DNTT: variants seen among roughly 807,000 people sequenced by gnomAD.
The protein encoded by DNTT is DNA nucleotidylexotransferase.
In DNTT, 47 loss-of-function variants were observed where a neutral mutation model predicts 60.9. The ratio of observed to expected loss-of-function variants is 0.77; its 90% CI spans 0.61 to 0.98. DNTT has a LOEUF of 0.98. Ranked by LOEUF, DNTT falls within the 50% of genes least tolerant of loss-of-function variation. The pLI is 0.00. For missense variants in DNTT, 665 were observed against 627.5 expected (o/e 1.06, Z -0.64); for synonymous variants, 224 against 221.2 (o/e 1.01, Z -0.11).
rs866987732 is a variant in DNTT, at chr10:96,332,407, T to C, written c.1170T>C (p.Pro390=). ...CAACATTTGAAAAGCTCAGGTTGCCTAGCAGGAAGGTTGATGCTTTGGATC... is the reference window on the plus strand; with the variant it reads ...CAACATTTGAAAAGCTCAGGTTGCCCAGCAGGAAGGTTGATGCTTTGGATC... The part of the protein sequence containing the change: ...VESTFEKLRL[P]SRKVDALDHF... Residue 390 remains proline (P), a synonymous_variant, in exon 9 of 11, where the codon CCT becomes CCC. Transcript: ENST00000371174. 1 of 1,614,200 alleles carries C rather than the reference T, an allele frequency of 6.2e-7. No homozygotes were observed. The highest frequency in any genetic ancestry group is 1.6e-4 in the Middle Eastern group (1 of 6,062).
chr10:96,331,386 G>A (rs533948584), intron 8 of DNTT, among the ~76,000 whole-genome samples: 23 of 152,208 alleles, frequency 1.5e-4, no homozygotes, highest in Admixed American at 1.4e-3. Flanking sequence ...CCATGGTTCT[G>A]CAGGATGTAT....
At chr10:96,307,343 G>GTTGTTTTTTTTTTTTTTTTTTTTT (rs1844650391) in intron 1 of DNTT, among the ~76,000 whole-genome samples, 2 of 67,606 alleles carry the variant, frequency 3.0e-5, no homozygotes, top group African/African-American at 1.3e-4. Context: ...GGGTTTTCCA[G>GTTGTTTTTTTTTTTTTTTTTTTTT]TTTTTTTTTT....
At chr10:96,335,382 C>T (rs1450297582) in intron 9 of DNTT, among the ~76,000 whole-genome samples, 2 of 152,188 alleles carry the variant, frequency 1.3e-5, no homozygotes, top group East Asian at 3.8e-4. Flanking sequence ...TGTCCTTCCT[C>T]CATCCTTTCA....
chr10:96,334,408 C>G lies in DNTT; in HGVS notation c.1360-1483C>G, dbSNP rs183852636. 3.9e-5 allele frequency among the ~76,000 whole-genome samples: 6 copies of G among 152,328 alleles called. No individual in the cohort carries two copies. The East Asian group carries it at 1.2e-3, about 29-fold the overall frequency. Reference sequence around the variant, plus strand: ...ATATCCTGTCACTCACAGGAGAGGACACCTGTGATTTGAGTCCCATTCGCA... The same window carrying G: ...ATATCCTGTCACTCACAGGAGAGGAGACCTGTGATTTGAGTCCCATTCGCA... On this transcript the variant is annotated intron_variant, in intron 9 of 10. Transcript: ENST00000371174.
intron 5 of DNTT, among the ~76,000 whole-genome samples, chr10:96,323,192 G>A (rs1844901114): frequency 6.6e-6 from 1 of 152,156 alleles, no homozygotes; most frequent in Admixed American, 6.5e-5. Flanking sequence ...CCAGCTACTT[G>A]GGAGATTGAG....
chr10:96,321,192 G>A (rs1490010191), intron 4 of DNTT, among the ~76,000 whole-genome samples: 1 of 152,126 alleles, frequency 6.6e-6, no homozygotes, highest in African/African-American at 2.4e-5. Flanking sequence ...AAGTTTCAGA[G>A]CAGGAGTGGA....
intron 9 of DNTT, among the ~76,000 whole-genome samples, chr10:96,333,134 A>C (rs1202560760): frequency 1.3e-5 from 2 of 152,244 alleles, no homozygotes; most frequent in Non-Finnish European, 2.9e-5. Flanking sequence ...GAAAACAAAT[A>C]ATCCTATTTA....
Position 96,320,791 on chromosome 10 carries a change from A to G in DNTT, c.678+3A>G, listed in dbSNP as rs765726785. On this transcript the variant is annotated splice_donor_region_variant and intron_variant, in intron 4 of 10. Transcript: ENST00000371174. ...CCAAGGTGAAGGGTATCATAGAGGT[A>G]AGGGTGAAATGGGATTTGTCCCACT... is the stretch of plus-strand genomic sequence containing the variant. 3 of 1,613,368 alleles carry G rather than the reference A, an allele frequency of 1.9e-6. No individual in the cohort carries two copies. In the South Asian group the frequency reaches 3.3e-5, roughly 18 times the overall value.
intron 1 of DNTT, among the ~76,000 whole-genome samples, chr10:96,316,595 C>T (rs1844789473): frequency 6.6e-6 from 1 of 152,142 alleles, no homozygotes; most frequent in Non-Finnish European, 1.5e-5. Flanking sequence ...ATAAACTCTC[C>T]ACTCCAACCC....
intron 1 of DNTT, among the ~76,000 whole-genome samples, chr10:96,310,525 C>G (rs1470138581): frequency 1.3e-5 from 2 of 152,202 alleles, no homozygotes; most frequent in Non-Finnish European, 2.9e-5. Context: ...AGTGCCTTCT[C>G]CCTTTACCTC....
Position 96,312,871 on chromosome 10 carries a change from CATTCCTTT to C in DNTT, c.204-5479_204-5472del, listed in dbSNP as rs546030940. On this transcript the variant is annotated intron_variant, in intron 1 of 10. Transcript: ENST00000371174. Reference sequence around the variant, plus strand: ...CTGGTAGACACTAGAGTTTGAGAGACATTCCTTTAGAGCTATTCATTCATTCATTCATC... The same window carrying C: ...CTGGTAGACACTAGAGTTTGAGAGACAGAGCTATTCATTCATTCATTCATC... Among the ~76,000 whole-genome samples, 465 of 152,254 alleles carry C rather than the reference CATTCCTTT, an allele frequency of 3.1e-3. 7 individuals are homozygous for C. Among genetic ancestry groups the C allele is most frequent in the Middle Eastern group, 0.024 (7 of 294 alleles).
intron 4 of DNTT, among the ~76,000 whole-genome samples, chr10:96,322,137 C>T (rs918492654): frequency 6.6e-6 from 1 of 152,122 alleles, no homozygotes; most frequent in African/African-American, 2.4e-5. Context: ...CCCAGCAAAG[C>T]AAGTTGGTCA....
At chr10:96,307,244 A>C (rs1404763789) in intron 1 of DNTT, among the ~76,000 whole-genome samples, 2 of 152,224 alleles carry the variant, frequency 1.3e-5, no homozygotes, top group Non-Finnish European at 2.9e-5. Flanking sequence ...AAATAGAACA[A>C]AGACAGGAAA....
intron 8 of DNTT, 51 bp from the exon 9 acceptor site, chr10:96,332,300 T>C (rs373640699): frequency 3.4e-5 from 54 of 1,589,064 alleles, no homozygotes; most frequent in Middle Eastern, 1.7e-4. Context: ...TGTTAAATCA[T>C]AGATCTTCTT....
intron 1 of DNTT, among the ~76,000 whole-genome samples, chr10:96,316,808 A>G (rs1369136012): frequency 2.0e-5 from 3 of 152,142 alleles, no homozygotes; most frequent in Non-Finnish European, 2.9e-5. Flanking sequence ...CATAATTCAC[A>G]TCATAAGCCA....
At chr10:96,309,512 G>A (rs546353850) in intron 1 of DNTT, among the ~76,000 whole-genome samples, 3 of 149,692 alleles carry the variant, frequency 2.0e-5, no homozygotes, top group Admixed American at 6.7e-5. Flanking sequence ...TTTACTTTTA[G>A]TCTTCTAGTA....
intron 6 of DNTT, 24 bp downstream of exon 6, chr10:96,324,413 A>G (rs1314886995): frequency 1.2e-6 from 2 of 1,612,928 alleles, no homozygotes; most frequent in Non-Finnish European, 1.7e-6. Context: ...CCTAAAAGTC[A>G]TTGTTGCTAT....
chr10:96,306,315 A>G lies in DNTT; in HGVS notation c.203+1615A>G, dbSNP rs373241612. 2.9e-3 allele frequency among the ~76,000 whole-genome samples: 437 copies of G among 152,264 alleles called. 7 individuals are homozygous for G. Among genetic ancestry groups the G allele is most frequent in the Middle Eastern group, 0.024 (7 of 294 alleles). Reference sequence around the variant, plus strand: ...CACTATGTTGACCAGGATGGTCTCTATCTCCTGACTTTGTAATCCGCCTGC... The same window carrying G: ...CACTATGTTGACCAGGATGGTCTCTGTCTCCTGACTTTGTAATCCGCCTGC... On this transcript the variant is annotated intron_variant, in intron 1 of 10. Coordinates refer to ENST00000371174, the MANE Select transcript of DNTT (RefSeq NM_004088.4).
chr10:96,332,602 T>G lies in DNTT; in HGVS notation c.1359+6T>G, dbSNP rs760970059. 6.2e-7 allele frequency: 1 copy of G among 1,612,910 alleles called. No homozygotes were observed. The highest frequency in any genetic ancestry group is 2.2e-5 in the East Asian group (1 of 44,820). ...TGGGATGGACTGGCTCCCGGGTAAG[T>G]GCTACATGGACCCATGGGATGATGT... On this transcript the variant is annotated splice_donor_region_variant and intron_variant, in intron 9 of 10. Coordinates refer to ENST00000371174, the MANE Select transcript of DNTT (RefSeq NM_004088.4).
Sources: allele counts gnomAD v4.1 joint callset (sites outside exome capture counted in the v4.1 genomes callset), GRCh38; gene constraint gnomAD v4.1.1; transcripts MANE v1.5; gene names NCBI Gene and HGNC (gene_info 2026-07-23, HGNC 2026-07-21).